The following DHCR7 variants were observed in gnomAD, a reference collection of about 807,000 sequenced individuals.
DHCR7 encodes the protein 7-dehydrocholesterol reductase, also known as 7-DHC reductase.
In DHCR7, 40 loss-of-function variants were observed where a neutral mutation model predicts 43.3. The observed-to-expected ratio is 0.92, with a 90% CI of 0.72 to 1.20. The LOEUF is 1.20. Ranked by LOEUF, DHCR7 falls within the 50% of genes most tolerant of loss-of-function variation. The pLI is 0.00. For synonymous variants in DHCR7, 298 were observed against 271.4 expected, an observed-to-expected ratio of 1.10 and a Z score of -0.96; for missense variants, 608 against 644.6, an observed-to-expected ratio of 0.94 and a Z score of 0.62.
At chr11:71,428,324 C>T (rs938079984) in exon 3 of DHCR7, 1 of 152,234 alleles carries the variant, frequency 6.6e-6, no homozygotes, top group Non-Finnish European at 1.5e-5. Context: ...GATGTCTTTG[C>T]GTTTTTATTA....
Position 71,448,270 on chromosome 11 carries a change from C to T in DHCR7, c.-132+20G>A. On this transcript the variant is annotated intron_variant, in intron 1 of 8. Coordinates refer to ENST00000355527, the MANE Select transcript of DHCR7 (RefSeq NM_001360.3). ...GCACACCTTCCCCTGGCCTCACCTG[C>T]GCACACCTTGGCCACTCACCTGCGC... 6.4e-6 allele frequency: 1 copy of T among 155,678 alleles called. No individual in the cohort carries two copies. The highest frequency in any genetic ancestry group is 1.4e-5 in the Non-Finnish European group (1 of 70,798). 9.6% of individuals were successfully genotyped at this position (155,678 alleles called of 1,614,324 possible).
At position 71,445,420 on chromosome 11, in the gene DHCR7, T is replaced by G. The variant is rs138418976; in HGVS notation, c.-6-462A>C. 2.8e-4 allele frequency among the ~76,000 whole-genome samples: 42 copies of G among 152,346 alleles called. 2 individuals are homozygous for G. The highest frequency in any genetic ancestry group is 9.9e-4 in the African/African-American group (41 of 41,590). On this transcript the variant is annotated intron_variant, in intron 2 of 8. Transcript: ENST00000355527. The stretch of plus-strand genomic sequence containing the variant: ...AGGGCTCATGTAAAATGTCCCCTCC[T>G]GGGGAGATCTTCCCTCTCAGCCAAT...
intron 7 of DHCR7, 91 bp from the exon 8 acceptor site, chr11:71,438,034 G>C (rs1055504162): frequency 1.3e-5 from 19 of 1,486,698 alleles, no homozygotes; most frequent in Non-Finnish European, 1.7e-5. Flanking sequence ...GATGCAGCAG[G>C]GGGTGCTCGG....
At chr11:71,438,824 T>C (rs779040090) in intron 7 of DHCR7, 55 bp downstream of exon 7, 131 of 1,580,048 alleles carry the variant, frequency 8.3e-5, no homozygotes, top group Non-Finnish European at 1.1e-4. Flanking sequence ...GGCTTGCGGG[T>C]TCCCCCAGAG....
rs1287270089 is a variant in DHCR7, at chr11:71,435,125, A to G, written c.*250T>C. ...GGTGACTGGGTCATCCTCCTGCCCC[A>G]GGGACACTGATTAGAGAAAATCCGT... is the stretch of plus-strand genomic sequence containing the variant. On this transcript the variant is annotated 3_prime_UTR_variant, in exon 9 of 9. Transcript: ENST00000355527. 5 of 672,838 alleles carry G rather than the reference A, an allele frequency of 7.4e-6. No individual in the cohort carries two copies. The highest frequency in any genetic ancestry group is 8.2e-6 in the Non-Finnish European group (3 of 366,306). The allele number at this position is 672,838 out of a possible 1,614,324, so 41.7% of individuals were successfully genotyped here.
chr11:71,438,086 C>T (rs527951276), intron 7 of DHCR7, 143 bp from the exon 8 acceptor site: 1 of 1,001,930 alleles, frequency 1.0e-6, no homozygotes, highest in Admixed American at 1.9e-5. Flanking sequence ...CTGTTCCTTC[C>T]CTGCGGCTGG....
intron 7 of DHCR7, 49 bp from the exon 8 acceptor site, chr11:71,437,992 C>G: frequency 6.2e-7 from 1 of 1,605,258 alleles, no homozygotes. Context: ...CCTGGGGCCC[C>G]CATGGACCTC....
At position 71,435,413 on chromosome 11, in the gene DHCR7, C is replaced by CA. The variant is rs1949263106; in HGVS notation, c.1389_1390insT (p.Ala464CysfsTer93). The CA allele has an allele frequency of 6.2e-7, 1 of 1,612,566 alleles. No individual in the cohort carries two copies. The highest frequency in any genetic ancestry group is 8.5e-7 in the Non-Finnish European group (1 of 1,179,994). ...GGCAGCAGGCGGTAAGGCACTGCGG[C>CA]GGTGTAGCGCTCCCAGTCCCGGCCG... On this transcript the variant is annotated frameshift_variant, in exon 9 of 9. Coordinates refer to ENST00000355527, the MANE Select transcript of DHCR7 (RefSeq NM_001360.3). LOFTEE classifies it high-confidence loss of function.
At chr11:71,444,732 CAAAAAAA>C in intron 3 of DHCR7, 116 bp downstream of exon 3, 1 of 667,842 alleles carries the variant, frequency 1.5e-6, no homozygotes, top group Non-Finnish European at 2.4e-6. Flanking sequence ...TTAGTCTTGA[CAAAAAAA>C]AAAAAATCTT....
chr11:71,436,168 G>A (rs548462477), intron 8 of DHCR7, among the ~76,000 whole-genome samples: 7 of 152,232 alleles, frequency 4.6e-5, no homozygotes, highest in South Asian at 2.1e-4. Flanking sequence ...TCAATTTAAC[G>A]TGTCCACTTG....
chr11:71,438,016 TC>T, intron 7 of DHCR7, 73 bp from the exon 8 acceptor site: 1 of 1,574,506 alleles, frequency 6.4e-7, no homozygotes, highest in Non-Finnish European at 8.7e-7. Context: ...GAAATCACAC[TC>T]CACGCAGATG....
chr11:71,439,928 C>A (rs1158613125), intron 6 of DHCR7, among the ~76,000 whole-genome samples: 2 of 152,186 alleles, frequency 1.3e-5, no homozygotes, highest in Admixed American at 1.3e-4. Flanking sequence ...AGGTGTAAAC[C>A]ACACTGGGGT....
chr11:71,427,588 G>A (rs141182312), downstream of DHCR7, among the ~76,000 whole-genome samples: 1,489 of 152,136 alleles, frequency 9.8e-3, 97 homozygotes, highest in Admixed American at 0.092. Context: ...TTGTGGGGAC[G>A]GTCAAGACCA....
chr11:71,428,077 T>G (rs1949209265), downstream of DHCR7: 1 of 152,284 alleles, frequency 6.6e-6, no homozygotes, highest in Non-Finnish European at 1.5e-5. Flanking sequence ...AACATAGTAG[T>G]TAGGGCCTGT....
Position 71,434,885 on chromosome 11 carries a change from C to A in DHCR7, c.*490G>T, listed in dbSNP as rs1212583143. 1 of 353,880 alleles carries A rather than the reference C, an allele frequency of 2.8e-6. No homozygotes were observed. Among genetic ancestry groups the A allele is most frequent in the Admixed American group, 3.8e-5 (1 of 26,354 alleles). The allele number at this position is 353,880 out of a possible 1,614,324, so 21.9% of individuals were successfully genotyped here. A position where few individuals can be genotyped will look rare whatever the true frequency, so the allele number is the denominator to read the frequency against. On this transcript the variant is annotated 3_prime_UTR_variant, in exon 9 of 9. Transcript: ENST00000355527. ...CTACCAAGGAGAAACGGCGCACGGG[C>A]CCCACCCACGACTGCAGAGCAGGCA...
At position 71,444,022 on chromosome 11, in the gene DHCR7, G is replaced by A. The variant is rs104886039; in HGVS notation, c.292C>T (p.Gln98Ter). 1.4e-5 allele frequency: 23 copies of A among 1,612,982 alleles called. No homozygotes were observed. Among genetic ancestry groups the A allele is most frequent in the Admixed American group, 6.7e-5 (4 of 59,926 alleles). ...KTPPITRKAAQLYTLWVTFQV... is the reference protein window; with the variant it reads ...KTPPITRKAA Reference sequence around the variant, plus strand: ...AAGGTGACCCACAAGGTATAGAGCTGGGCGGCTTTCCTCGTTATAGGTGGA... The same window carrying A: ...AAGGTGACCCACAAGGTATAGAGCTAGGCGGCTTTCCTCGTTATAGGTGGA... The change falls in exon 4 of 9, where the codon CAG (glutamine) becomes TAG (stop). Residue 98 changes from glutamine to a stop codon, truncating the protein, a stop_gained. Transcript: ENST00000355527. LOFTEE classifies it high-confidence loss of function.
rs759235974 is a variant in DHCR7 at position 71,435,193 on chromosome 11, T to A, written c.*182A>T. 51 of 718,892 alleles carry A rather than the reference T, an allele frequency of 7.1e-5. No homozygotes were observed. The highest frequency in any genetic ancestry group is 1.2e-4 in the Non-Finnish European group (47 of 407,304). The allele number at this position is 718,892 out of a possible 1,614,324, so 44.5% of individuals were successfully genotyped here. A position where few individuals can be genotyped will look rare whatever the true frequency, so the allele number is the denominator to read the frequency against. ...CAGTGCTGGACACTCGGAATTCCCT[T>A]GAAGGCAAAAGCAAGGAACAGAGCG... On this transcript the variant is annotated 3_prime_UTR_variant, in exon 9 of 9. Coordinates refer to ENST00000355527, the MANE Select transcript of DHCR7 (RefSeq NM_001360.3).
chr11:71,429,231 A>G (rs1414924865), intron 2 of DHCR7, among the ~76,000 whole-genome samples: 1 of 152,106 alleles, frequency 6.6e-6, no homozygotes, highest in African/African-American at 2.4e-5. Context: ...CTGTGTCAAT[A>G]TGGGAGGCTG....
chr11:71,448,304 GC>G lies in DHCR7; in HGVS notation c.-147del, dbSNP rs1401944872. On this transcript the variant is annotated 5_prime_UTR_variant, in exon 1 of 9. Transcript: ENST00000355527. Reference sequence around the variant, plus strand: ...TGGCCACTCACCTGCGCACACCTCGGCCCCTCACCTGCGCCCACCTTCCCCT... The same window carrying G: ...TGGCCACTCACCTGCGCACACCTCGGCCCTCACCTGCGCCCACCTTCCCCT... 7 of 154,984 alleles carry G rather than the reference GC, an allele frequency of 4.5e-5. No homozygotes were observed. Among genetic ancestry groups the G allele is most frequent in the African/African-American group, 1.7e-4 (7 of 41,408 alleles). The allele number at this position is 154,984 out of a possible 1,614,324, so 9.6% of individuals were successfully genotyped here.
Sources: allele counts gnomAD v4.1 joint callset (sites outside exome capture counted in the v4.1 genomes callset), GRCh38; gene constraint gnomAD v4.1.1; transcripts MANE v1.5; gene names NCBI Gene and HGNC (gene_info 2026-07-23, HGNC 2026-07-21).